The following LTBP4 variants were observed in gnomAD, a reference collection of about 807,000 sequenced individuals.
LTBP4 encodes latent transforming growth factor beta binding protein 4.
In LTBP4, 93 loss-of-function variants were observed where a neutral mutation model predicts 180.2. The ratio of observed to expected loss-of-function variants is 0.52; its 90% CI spans 0.44 to 0.61. The LOEUF is 0.61. Ranked by LOEUF, LTBP4 falls within the 20% of genes least tolerant of loss-of-function variation. LTBP4 has a pLI of 0.00. For synonymous variants in LTBP4, 947 were observed against 934.5 expected (o/e 1.01, Z -0.24); for missense variants, 2,116 against 2,256.5 (o/e 0.94, Z 1.26).
chr19:40,613,984 G>C lies in LTBP4; in HGVS notation c.2626G>C (p.Glu876Gln), dbSNP rs1201595445. 1 of 1,613,512 alleles carries C rather than the reference G, an allele frequency of 6.2e-7. No individual in the cohort carries two copies. The highest frequency in any genetic ancestry group is 1.3e-5 in the African/African-American group (1 of 74,838). ...GICTNTDGSF[E>Q]CICPPGHRAG... ...CTGTACCAACACCGACGGCTCCTTC[G>C]AGTGCATCTGTCCTCCGGGACACCG... The change falls in exon 18 of 30, where the codon GAG becomes CAG. Residue 876 changes from glutamate (E) to glutamine (Q), a missense_variant. Glu to Gln is a conservative substitution (Grantham distance 29). Transcript: ENST00000396819. The surrounding 1 kb of genome is among the most constrained non-coding windows in gnomAD (Gnocchi z 5.0).
At chr19:40,607,186 T>C (rs1034380513) in intron 6 of LTBP4, among the ~76,000 whole-genome samples, 179 bp from the exon 7 acceptor site, 4 of 152,144 alleles carry the variant, frequency 2.6e-5, no homozygotes, top group Admixed American at 2.0e-4. Flanking sequence ...CTCCAAGCCC[T>C]TCTCAGACCT....
intron 11 of LTBP4, 77 bp from the exon 12 acceptor site, chr19:40,610,455 C>T (rs1568406026): frequency 1.3e-6 from 2 of 1,508,122 alleles, no homozygotes; most frequent in Middle Eastern, 1.9e-4. Flanking sequence ...CTCCCGCTTC[C>T]CTCTACCCCT....
At position 40,624,038 on chromosome 19, in the gene LTBP4, A is replaced by G. The variant is rs1599877197; in HGVS notation, c.3788A>G (p.Asp1263Gly). Residue 1263 changes from aspartate (D) to glycine (G), a missense_variant, in exon 26 of 30, where the codon GAT becomes GGT. Around this residue, in one of 5 missense-constraint regions of LTBP4, gnomAD observed 488 missense variants for 458.8 expected, o/e 1.06. Coordinates refer to ENST00000396819, the MANE Select transcript of LTBP4 (RefSeq NM_001042545.2). ...HCTCEPPLVL[D>G]GSQRRCVSNE... The stretch of plus-strand genomic sequence containing the variant: ...ACCTGCGAGCCCCCACTGGTGCTGG[A>G]TGGCTCGCAGCGCCGCTGCGTCTCC... 6.3e-7 allele frequency: 1 copy of G among 1,599,644 alleles called. No homozygotes were observed. Among genetic ancestry groups the G allele is most frequent in the East Asian group, 2.3e-5 (1 of 44,436 alleles).
chr19:40,611,379 G>C lies in LTBP4; in HGVS notation c.2038G>C (p.Gly680Arg), dbSNP rs752189257. ...TGCTGGCTTCCGCTCCCGAGGGCCCGGGGCCCCCTGCCAAGGTGAGGGTGC... is the reference window on the plus strand; with the variant it reads ...TGCTGGCTTCCGCTCCCGAGGGCCCCGGGCCCCCTGCCAAGGTGAGGGTGC... ...CPAGFRSRGP[G>R]APCQDVDECA... is the part of the protein sequence containing the mutation. Residue 680 changes from glycine (G) to arginine (R), a missense_variant, in exon 13 of 30, where the codon GGG (glycine) becomes CGG (arginine). This residue lies in a region of LTBP4 where 877 missense variants were observed against 873.6 expected (regional missense o/e 1.00). Coordinates refer to ENST00000396819, the MANE Select transcript of LTBP4 (RefSeq NM_001042545.2). This position sits in a 1 kb window ranked among gnomAD's most constrained non-coding sequence, Gnocchi z 4.4. 6.2e-7 allele frequency: 1 copy of C among 1,605,844 alleles called. No individual in the cohort carries two copies. The highest frequency in any genetic ancestry group is 1.7e-5 in the Admixed American group (1 of 59,908).
rs375566138 is a variant in LTBP4 at position 40,613,655 on chromosome 19, G to A, written c.2557+126G>A. 1 of 1,454,582 alleles carries A rather than the reference G, an allele frequency of 6.9e-7. No homozygotes were observed. Among genetic ancestry groups the A allele is most frequent in the Non-Finnish European group, 9.3e-7 (1 of 1,074,232 alleles). The allele number at this position is 1,454,582 out of a possible 1,614,324, so 90.1% of individuals were successfully genotyped here. A position where few individuals can be genotyped will look rare whatever the true frequency, so the allele number is the denominator to read the frequency against. ...CCGGGGTATTCCAGCAGGATCAGGG[G>A]GCAGCTGGTGGGAGTCTCGAGGCAG... On this transcript the variant is annotated intron_variant, in intron 17 of 29. Transcript: ENST00000396819. The surrounding 1 kb of genome is among the most constrained non-coding windows in gnomAD (Gnocchi z 5.0).
At chr19:40,624,703 AATTTT>A (rs554386301) in intron 26 of LTBP4, among the ~76,000 whole-genome samples, 24 of 152,150 alleles carry the variant, frequency 1.6e-4, no homozygotes, top group African/African-American at 4.6e-4. Flanking sequence ...CTGGCTGATG[AATTTT>A]ATTTTATTTT....
intron 26 of LTBP4, 29 bp from the exon 27 acceptor site, chr19:40,625,828 A>C: frequency 6.6e-7 from 1 of 1,522,466 alleles, no homozygotes; most frequent in South Asian, 1.3e-5. Context: ...TGCCAGGCCC[A>C]CTCTGACACA....
At chr19:40,598,796 G>A (rs2081404834), upstream of LTBP4, among the ~76,000 whole-genome samples, 2 of 152,188 alleles carry the variant, frequency 1.3e-5, no homozygotes, top group East Asian at 1.9e-4. Flanking sequence ...TCAGGATGGC[G>A]TCTGAGTCCC....
At chr19:40,601,255 C>A (rs1453361724), upstream of LTBP4, 4 of 706,994 alleles carry the variant, frequency 5.7e-6, no homozygotes, top group East Asian at 4.2e-4. Flanking sequence ...GCGCGGCCGC[C>A]GGGGAGGGAG....
At chr19:40,617,320 C>T (rs1433196668) in intron 21 of LTBP4, 95 bp downstream of exon 21, 26 of 1,456,264 alleles carry the variant, frequency 1.8e-5, no homozygotes, top group Non-Finnish European at 2.2e-5. Context: ...TGGGAATTTT[C>T]GGGTTGTGGA....
intron 6 of LTBP4, 91 bp downstream of exon 6, chr19:40,606,617 C>T (rs2081464710): frequency 6.8e-7 from 1 of 1,465,554 alleles, no homozygotes; most frequent in Non-Finnish European, 9.2e-7. Flanking sequence ...TCCCTCGGAC[C>T]CCCCCAGACT....
At position 40,605,746 on chromosome 19, in the gene LTBP4, C is replaced by G. The variant is rs754102394; in HGVS notation, c.708C>G (p.Pro236=). Residue 236 remains proline, a synonymous_variant, in exon 4 of 30, where the codon CCC becomes CCG. Transcript: ENST00000396819. The surrounding 1 kb of genome is among the most constrained non-coding windows in gnomAD (Gnocchi z 5.5). Reference sequence around the variant, plus strand: ...CCCCGCAGTGCGCGTCCCCGCTGCCCGGGCTCCGGACGCAGGAGGTCTGCT... The same window carrying G: ...CCCCGCAGTGCGCGTCCCCGCTGCCGGGGCTCCGGACGCAGGAGGTCTGCT... The part of the protein sequence containing the change: ...LRGGECASPL[P]GLRTQEVCCR... 1.3e-6 allele frequency: 2 copies of G among 1,545,060 alleles called. No individual in the cohort carries two copies. Among genetic ancestry groups the G allele is most frequent in the Admixed American group, 2.0e-5 (1 of 50,972 alleles).
At chr19:40,601,247 G>A, upstream of LTBP4, 1 of 628,572 alleles carries the variant, frequency 1.6e-6, no homozygotes, top group Non-Finnish European at 2.0e-6. Flanking sequence ...GCGCCCCCGC[G>A]CGGCCGCCGG....
At chr19:40,596,983 C>T (rs188744510), upstream of LTBP4, among the ~76,000 whole-genome samples, 120 of 152,240 alleles carry the variant, frequency 7.9e-4, 1 homozygote, top group African/African-American at 2.8e-3. Flanking sequence ...AATTTCCCCC[C>T]ACCGCGTGGG....
upstream of LTBP4, chr19:40,599,456 T>C: frequency 6.2e-7 from 1 of 1,613,932 alleles, no homozygotes; most frequent in Non-Finnish European, 8.5e-7. Flanking sequence ...GCCCAAAAAG[T>C]GTGCAGGCCC....
rs188491383 is a variant in LTBP4 at position 40,611,382 on chromosome 19, G to T, written c.2041G>T (p.Ala681Ser). ...TGGCTTCCGCTCCCGAGGGCCCGGG[G>T]CCCCCTGCCAAGGTGAGGGTGCTGA... ...PAGFRSRGPG[A>S]PCQDVDECAR... The change falls in exon 13 of 30, where the codon GCC (alanine) becomes TCC (serine). Residue 681 changes from alanine (A) to serine (S), a missense_variant. Physicochemically the swap from Ala to Ser is moderately conservative, Grantham distance 99 (BLOSUM62 1). Around this residue, in one of 5 missense-constraint regions of LTBP4, gnomAD observed 877 missense variants for 873.6 expected, o/e 1.00. Coordinates refer to ENST00000396819, the MANE Select transcript of LTBP4 (RefSeq NM_001042545.2). This position sits in a 1 kb window ranked among gnomAD's most constrained non-coding sequence, Gnocchi z 4.4. 3.1e-6 allele frequency: 5 copies of T among 1,606,266 alleles called. No homozygotes were observed. Among genetic ancestry groups the T allele is most frequent in the East Asian group, 4.5e-5 (2 of 44,814 alleles).
At chr19:40,601,903 C>A (rs908738785) in intron 1 of LTBP4, among the ~76,000 whole-genome samples, 33 of 151,834 alleles carry the variant, frequency 2.2e-4, no homozygotes, top group Admixed American at 1.2e-3. Flanking sequence ...TCATGCTTTG[C>A]GTCAAAATGG....
chr19:40,614,204 C>G, intron 18 of LTBP4, 111 bp from the exon 19 acceptor site: 1 of 1,462,172 alleles, frequency 6.8e-7, no homozygotes, highest in Non-Finnish European at 9.3e-7. Flanking sequence ...TCTTCTCCTG[C>G]CCTCTCCTCT....
intron 18 of LTBP4, 84 bp from the exon 19 acceptor site, chr19:40,614,231 C>T (rs536287464): frequency 3.3e-6 from 5 of 1,531,936 alleles, no homozygotes; most frequent in African/African-American, 2.7e-5. Context: ...CCGGCCTCCC[C>T]CTTCTGACTC....
Sources: allele counts gnomAD v4.1 joint callset (sites outside exome capture counted in the v4.1 genomes callset), GRCh38; gene constraint gnomAD v4.1.1; regional missense constraint gnomAD v4.1.1; non-coding constraint Gnocchi (gnomAD v3.1); transcripts MANE v1.5; gene names NCBI Gene and HGNC (gene_info 2026-07-23, HGNC 2026-07-21).